Variants in UBR2 observed in about 807,000 individuals in gnomAD.
The protein encoded by UBR2 is ubiquitin protein ligase E3 component n-recognin 2, also known as E3 ubiquitin-protein ligase UBR2.
Under a neutral mutation model 247.9 loss-of-function variants are expected in UBR2, and 92 were observed. That is an observed-to-expected ratio of 0.37 (90% confidence interval 0.31 to 0.44). The LOEUF (loss-of-function observed/expected upper bound fraction) is 0.44, where lower values mean the gene tolerates loss of function less well. Ranked by LOEUF, UBR2 falls within the 20% of genes least tolerant of loss-of-function variation. The probability of loss-of-function intolerance (pLI) is 1.00; values close to 1 mark genes in which losing one functional copy is unlikely to be tolerated. For synonymous variants in UBR2, 672 were observed against 693.5 expected (o/e 0.97, Z 0.49); for missense variants, 1,613 against 2,112.6 (o/e 0.76, Z 4.64).
Position 42,592,209 on chromosome 6 carries a change from C to A in UBR2, c.397C>A (p.His133Asn). 6.3e-7 allele frequency: 1 copy of A among 1,595,492 alleles called. No homozygotes were observed. Among genetic ancestry groups the A allele is most frequent in the South Asian group, 1.1e-5 (1 of 87,544 alleles). Residue 133 changes from histidine (H) to asparagine (N), a missense_variant, in exon 3 of 47, where the codon CAC (histidine) becomes AAC (asparagine). His to Asn is a moderately conservative substitution (Grantham distance 68). Around this residue, in one of 3 missense-constraint regions of UBR2, gnomAD observed 1,524 missense variants for 1,967.3 expected, o/e 0.77. Transcript: ENST00000372901. ...CATGGAGTGCTTTTTGGGAAGTATT[C>A]ACAGAGATCATCGATATAGGGTTAG... is the stretch of plus-strand genomic sequence containing the variant. Reference protein sequence around the residue: ...LCMECFLGSIHRDHRYRMTTS... With the variant: ...LCMECFLGSINRDHRYRMTTS...
At chr6:42,660,512 CTG>C (rs1444532709) in intron 30 of UBR2, among the ~76,000 whole-genome samples, 2 of 152,174 alleles carry the variant, frequency 1.3e-5, no homozygotes, top group African/African-American at 4.8e-5. Flanking sequence ...AGAGTAGGAA[CTG>C]TGTCTTGGGA....
intron 11 of UBR2, among the ~76,000 whole-genome samples, chr6:42,623,420 C>T (rs1033029277): frequency 2.0e-5 from 3 of 152,112 alleles, no homozygotes; most frequent in African/African-American, 7.2e-5. Context: ...TATAGGCATG[C>T]ACCACTGAGC....
rs1328301633 is a variant in UBR2, at chr6:42,692,820, C to T, written c.*1647C>T. ...CGCCCCCTCTTGACAGGAGGATGAC[C>T]GTCGCCATTCTTGCGTGGGACTGAC... On this transcript the variant is annotated 3_prime_UTR_variant, in exon 47 of 47. Coordinates refer to ENST00000372901, the MANE Select transcript of UBR2 (RefSeq NM_001363705.2). 1 of 152,108 alleles carries T rather than the reference C, an allele frequency of 6.6e-6. No individual in the cohort carries two copies. The highest frequency in any genetic ancestry group is 1.9e-4 in the East Asian group (1 of 5,200). 9.4% of individuals were successfully genotyped at this position (152,108 alleles called of 1,614,324 possible).
rs768999132 is a variant in UBR2 at position 42,652,567 on chromosome 6, G to C, written c.2691G>C (p.Met897Ile). The C allele has an allele frequency of 8.7e-6, 14 of 1,613,782 alleles. No individual in the cohort carries two copies. The South Asian group carries it at 1.2e-4, about 14-fold the overall frequency. Residue 897 changes from methionine to isoleucine, a missense_variant, in exon 25 of 47, where the codon ATG becomes ATC. This residue lies in a region of UBR2 where 1,524 missense variants were observed against 1,967.3 expected (regional missense o/e 0.77). Coordinates refer to ENST00000372901, the MANE Select transcript of UBR2 (RefSeq NM_001363705.2). Reference protein sequence around the residue: ...SLVNILQSDVMLCIMGTILQW... With the variant: ...SLVNILQSDVILCIMGTILQW... ...TTAACATTTTGCAGTCAGATGTCATGTTGTGCATCATGGGAACAATTCTGC... is the reference window on the plus strand; with the variant it reads ...TTAACATTTTGCAGTCAGATGTCATCTTGTGCATCATGGGAACAATTCTGC...
chr6:42,636,582 A>G (rs1884086), intron 14 of UBR2, among the ~76,000 whole-genome samples: 65,056 of 151,848 alleles, frequency 0.43, 13,978 homozygotes, highest in African/African-American at 0.47. Flanking sequence ...CCATACAGTG[A>G]CATGATTCAA....
chr6:42,610,054 A>G (rs755753548), intron 7 of UBR2, among the ~76,000 whole-genome samples: 2 of 151,478 alleles, frequency 1.3e-5, no homozygotes, highest in Non-Finnish European at 2.9e-5. Flanking sequence ...GCATGCACCT[A>G]TAGTCTCAGC....
chr6:42,686,807 CG>C (rs1428391004), intron 44 of UBR2, among the ~76,000 whole-genome samples: 4 of 151,674 alleles, frequency 2.6e-5, no homozygotes, highest in Non-Finnish European at 5.9e-5. Context: ...ACTTCCCAGA[CG>C]GGGCGGCTGC....
chr6:42,676,197 T>G lies in UBR2; in HGVS notation c.4387+6T>G. On this transcript the variant is annotated splice_donor_region_variant and intron_variant, in intron 39 of 46. Transcript: ENST00000372901. Reference sequence around the variant, plus strand: ...CTTACTTACCTCATGTACAGGTAACTCTTGCCTTTTTGTCAGTTTCTTGAA... The same window carrying G: ...CTTACTTACCTCATGTACAGGTAACGCTTGCCTTTTTGTCAGTTTCTTGAA... The G allele has an allele frequency of 6.4e-7, 1 of 1,560,848 alleles. No individual in the cohort carries two copies. Among genetic ancestry groups the G allele is most frequent in the Non-Finnish European group, 8.6e-7 (1 of 1,161,908 alleles).
chr6:42,600,247 C>A (rs973706990), intron 4 of UBR2, among the ~76,000 whole-genome samples: 1 of 152,140 alleles, frequency 6.6e-6, no homozygotes, highest in African/African-American at 2.4e-5. Flanking sequence ...CCACTAACAA[C>A]CTTTTTAACA....
Position 42,686,530 on chromosome 6 carries a change from C to A in UBR2, c.4853+1659C>A, listed in dbSNP as rs569508760. ...ATCTCTCTTTCTTTTCCCCACATTT[C>A]CCCCTTTTCTATTCGACAAAACCGC... On this transcript the variant is annotated intron_variant, in intron 44 of 46. Coordinates refer to ENST00000372901, the MANE Select transcript of UBR2 (RefSeq NM_001363705.2). Among the ~76,000 whole-genome samples the A allele has an allele frequency of 3.3e-5, 5 of 152,282 alleles. No homozygotes were observed. The South Asian group carries it at 1.0e-3, about 32-fold the overall frequency.
chr6:42,672,584 A>C (rs1259084140), intron 36 of UBR2, among the ~76,000 whole-genome samples: 1 of 152,146 alleles, frequency 6.6e-6, no homozygotes, highest in Non-Finnish European at 1.5e-5. Flanking sequence ...ACCTCCTGCC[A>C]GTTCCCACCC....
In UBR2 at chr6:42,633,465, A is replaced by T. The variant is rs1464972318; in HGVS notation, c.1545+561A>T. On this transcript the variant is annotated intron_variant, in intron 13 of 46. Coordinates refer to ENST00000372901, the MANE Select transcript of UBR2 (RefSeq NM_001363705.2). Reference sequence around the variant, plus strand: ...GAGTGCAGTGGCGCAATCTCAGCTCACTGCAATCTCCACCTCCAGAGTTCA... The same window carrying T: ...GAGTGCAGTGGCGCAATCTCAGCTCTCTGCAATCTCCACCTCCAGAGTTCA... Among the ~76,000 whole-genome samples, 4 of 151,918 alleles carry T rather than the reference A, an allele frequency of 2.6e-5. No homozygotes were observed. In the East Asian group the frequency reaches 7.7e-4, roughly 29 times the overall value.
chr6:42,572,774 GCTC>G (rs1273720410), intron 1 of UBR2, among the ~76,000 whole-genome samples: 1 of 151,686 alleles, frequency 6.6e-6, no homozygotes, highest in Non-Finnish European at 1.5e-5. Context: ...CTGGATCTTG[GCTC>G]ACTACAACCT....
intron 2 of UBR2, among the ~76,000 whole-genome samples, chr6:42,587,465 C>G (rs778347638): frequency 6.6e-6 from 1 of 152,040 alleles, no homozygotes; most frequent in South Asian, 2.1e-4. Context: ...TCAAGCAATC[C>G]TCTCACCTCA....
intron 16 of UBR2, among the ~76,000 whole-genome samples, chr6:42,640,954 C>G (rs562772557): frequency 2.6e-5 from 4 of 151,890 alleles, no homozygotes; most frequent in African/African-American, 9.7e-5. Context: ...GTCTGGAACT[C>G]GTGATCTCAG....
chr6:42,594,263 C>T lies in UBR2; in HGVS notation c.490C>T (p.Gln164Ter). ...AGCCTGGAAAGAGGGTCCTTACTGT[C>T]AAAAACATGAACTTAACACCTCTGA... The part of the protein sequence containing the change: ...TEAWKEGPYC[Q>*]KHELNTSEIE... Residue 164 changes from glutamine (Q) to a stop codon, truncating the protein, a stop_gained, in exon 4 of 47, where the codon CAA becomes TAA. Coordinates refer to ENST00000372901, the MANE Select transcript of UBR2 (RefSeq NM_001363705.2). LOFTEE classifies it high-confidence loss of function. The T allele has an allele frequency of 6.2e-7, 1 of 1,612,068 alleles. No individual in the cohort carries two copies. Among genetic ancestry groups the T allele is most frequent in the Non-Finnish European group, 8.5e-7 (1 of 1,178,690 alleles).
chr6:42,598,604 A>T (rs1793156959), intron 4 of UBR2, among the ~76,000 whole-genome samples: 1 of 152,090 alleles, frequency 6.6e-6, no homozygotes, highest in African/African-American at 2.4e-5. Context: ...GGTGAGATGT[A>T]CCTCTCCCAT....
intron 8 of UBR2, among the ~76,000 whole-genome samples, chr6:42,614,698 A>C (rs958606413): frequency 6.6e-6 from 1 of 152,134 alleles, no homozygotes; most frequent in Non-Finnish European, 1.5e-5. Flanking sequence ...CACATTTTAT[A>C]TTTCAATTAT....
chr6:42,661,744 G>T (rs1388372667), intron 30 of UBR2, among the ~76,000 whole-genome samples: 1 of 152,032 alleles, frequency 6.6e-6, no homozygotes, highest in African/African-American at 2.4e-5. Flanking sequence ...CTGTCCTCTA[G>T]GGGGCGCCCC....
Sources: gnomAD v4.1 joint callset for allele counts (sites outside exome capture counted in the v4.1 genomes callset) on GRCh38, gnomAD v4.1.1 for gene constraint, gnomAD v4.1.1 regional missense constraint, MANE v1.5 for transcripts, NCBI Gene and HGNC (gene_info 2026-07-23, HGNC 2026-07-21) for gene names.